ZNF106: variants seen among roughly 807,000 people sequenced by gnomAD.
ZNF106 encodes the protein zinc finger protein 106, also known as SH3-domain binding protein 3.
A neutral mutation model predicts 195.1 loss-of-function variants in ZNF106; 67 were observed. That is an observed-to-expected ratio of 0.34 (90% CI 0.28 to 0.42). ZNF106 has a LOEUF of 0.42. ZNF106 is among the 10% of genes least tolerant of loss of function. ZNF106 has a pLI of 1.00. For synonymous variants in ZNF106, 784 were observed against 818.6 expected (o/e 0.96, Z 0.72); for missense variants, 2,118 against 2,304.5 (o/e 0.92, Z 1.66).
At chr15:42,482,203 T>C (rs1476793172) in intron 1 of ZNF106, among the ~76,000 whole-genome samples, 1 of 152,218 alleles carries the variant, frequency 6.6e-6, no homozygotes, top group African/African-American at 2.4e-5. Flanking sequence ...TTCCTTTATA[T>C]CATTTTTATT....
chr15:42,437,888 C>CA (rs1361067538), intron 12 of ZNF106, among the ~76,000 whole-genome samples: 2 of 134,898 alleles, frequency 1.5e-5, no homozygotes, highest in Non-Finnish European at 3.1e-5. Context: ...GCCTGGGCGA[C>CA]AACGACTCCG....
At chr15:42,469,971 G>A (rs952488249) in intron 2 of ZNF106, among the ~76,000 whole-genome samples, 4 of 152,076 alleles carry the variant, frequency 2.6e-5, no homozygotes, top group Admixed American at 6.6e-5. Flanking sequence ...TTCTATTTAG[G>A]CCTTGTATAT....
At chr15:42,445,720 A>G (rs1292309215) in intron 7 of ZNF106, among the ~76,000 whole-genome samples, 1 of 152,148 alleles carries the variant, frequency 6.6e-6, no homozygotes, top group Non-Finnish European at 1.5e-5. Flanking sequence ...CATATGCTCC[A>G]TCTGGTTGGC....
intron 3 of ZNF106, chr15:42,457,374 C>T: frequency 1.4e-6 from 2 of 1,410,578 alleles, no homozygotes; most frequent in Non-Finnish European, 9.2e-7. Flanking sequence ...AATCAAGAGG[C>T]AATAGACTTC....
intron 10 of ZNF106, among the ~76,000 whole-genome samples, chr15:42,441,505 G>A (rs1185912083): frequency 6.6e-6 from 1 of 152,086 alleles, no homozygotes; most frequent in Non-Finnish European, 1.5e-5. Flanking sequence ...GCACCACTGT[G>A]GTAATGCAAA....
chr15:42,487,824 C>G (rs1252193580), intron 1 of ZNF106, among the ~76,000 whole-genome samples: 1 of 152,134 alleles, frequency 6.6e-6, no homozygotes, highest in East Asian at 1.9e-4. Context: ...AACCACCATT[C>G]TACTTTCTGT....
Position 42,451,576 on chromosome 15 carries a change from T to C in ZNF106, c.696A>G (p.Gly232=). The part of the protein sequence containing the change: ...TGRNSSWLSE[G]TGGFSSWHMN... Reference sequence around the variant, plus strand: ...TATGCCAACTGGAAAAGCCACCTGTTCCTTCAGAAAGCCAACTGGAATTCC... The same window carrying C: ...TATGCCAACTGGAAAAGCCACCTGTCCCTTCAGAAAGCCAACTGGAATTCC... Residue 232 remains glycine (G), a synonymous_variant, in exon 5 of 22, where the codon GGA becomes GGG. Coordinates refer to ENST00000564754, the MANE Select transcript of ZNF106 (RefSeq NM_001366845.3). 1 of 1,614,210 alleles carries C rather than the reference T, an allele frequency of 6.2e-7. No homozygotes were observed. Among genetic ancestry groups the C allele is most frequent in the East Asian group, 2.2e-5 (1 of 44,878 alleles).
chr15:42,439,256 C>G lies in ZNF106; in HGVS notation c.4321G>C (p.Asp1441His). Residue 1441 changes from aspartate to histidine, a missense_variant, in exon 11 of 22, where the codon GAT (aspartate) becomes CAT (histidine). Coordinates refer to ENST00000564754, the MANE Select transcript of ZNF106 (RefSeq NM_001366845.3). Reference protein sequence around the residue: ...REQESVRDEPDSDSSLEVLEI... With the variant: ...REQESVRDEPHSDSSLEVLEI... ...AGGACTTCCAGAGACGAGTCACTAT[C>G]TGGCTCATCTCTGACACTCTCCTGC... The G allele has an allele frequency of 6.2e-7, 1 of 1,614,190 alleles. No individual in the cohort carries two copies. The highest frequency in any genetic ancestry group is 8.5e-7 in the Non-Finnish European group (1 of 1,180,042).
At chr15:42,472,939 G>A (rs2056708405) in intron 1 of ZNF106, among the ~76,000 whole-genome samples, 1 of 151,242 alleles carries the variant, frequency 6.6e-6, no homozygotes, top group African/African-American at 2.4e-5. Flanking sequence ...CCCAAGAGCG[G>A]AGGTTGCAGT....
At position 42,422,058 on chromosome 15, in the gene ZNF106, G is replaced by A. The variant is rs1009736962; in HGVS notation, c.5374-70C>T. On this transcript the variant is annotated intron_variant, in intron 18 of 21. Coordinates refer to ENST00000564754, the MANE Select transcript of ZNF106 (RefSeq NM_001366845.3). ...GCGTTTAATAAGTACAGTCCCTAAAGGCCTTTGGCAGGTTTAAAACCACAC... is the reference window on the plus strand; with the variant it reads ...GCGTTTAATAAGTACAGTCCCTAAAAGCCTTTGGCAGGTTTAAAACCACAC... 1.9e-4 allele frequency: 262 copies of A among 1,389,112 alleles called. 1 individual carries two copies. In the East Asian group the frequency reaches 5.4e-3, roughly 29 times the overall value. The allele number at this position is 1,389,112 out of a possible 1,614,324, so 86.0% of individuals were successfully genotyped here.
intron 2 of ZNF106, among the ~76,000 whole-genome samples, chr15:42,468,237 C>T (rs374900453): frequency 6.7e-4 from 102 of 151,682 alleles, no homozygotes; most frequent in African/African-American, 2.4e-3. Flanking sequence ...CCACTATGCC[C>T]AGCTAATTTT....
chr15:42,466,860 C>T (rs552693052), intron 2 of ZNF106, among the ~76,000 whole-genome samples: 2 of 152,206 alleles, frequency 1.3e-5, no homozygotes, highest in African/African-American at 2.4e-5. Flanking sequence ...CACGGCTGGG[C>T]GTGGTGGGTC....
At chr15:42,420,295 CA>C (rs1475670854) in intron 20 of ZNF106, among the ~76,000 whole-genome samples, 1 of 152,112 alleles carries the variant, frequency 6.6e-6, no homozygotes, top group Non-Finnish European at 1.5e-5. Flanking sequence ...TCCCTCTGTC[CA>C]ACATATCTAC....
rs745642889 is a variant in ZNF106 at position 42,442,124 on chromosome 15, C to G, written c.3712G>C (p.Val1238Leu). The change falls in exon 10 of 22, where the codon GTG becomes CTG. Residue 1238 changes from valine to leucine, a missense_variant. Transcript: ENST00000564754. ...SPEQDENVNA[V>L]PPSSACNVSK... ...ACATTGCAGGCAGAGCTTGGTGGCA[C>G]AGCATTCACATTCTCATCTTGTTCA... 1.2e-5 allele frequency: 19 copies of G among 1,613,918 alleles called. No homozygotes were observed. The highest frequency in any genetic ancestry group is 1.7e-5 in the Admixed American group (1 of 59,974).
Position 42,478,192 on chromosome 15 carries a change from C to T in ZNF106, c.-32-5871G>A, listed in dbSNP as rs139720983. Among the ~76,000 whole-genome samples the T allele has an allele frequency of 7.0e-3, 1,070 of 152,186 alleles. 17 individuals are homozygous for T. The highest frequency in any genetic ancestry group is 0.025 in the African/African-American group (1,030 of 41,548). On this transcript the variant is annotated intron_variant, in intron 1 of 21. Coordinates refer to ENST00000564754, the MANE Select transcript of ZNF106 (RefSeq NM_001366845.3). Reference sequence around the variant, plus strand: ...TTTATTTTATTTTTTGAGACAGAGTCTCACTCTGTTGTCCAGGCTGGAATG... The same window carrying T: ...TTTATTTTATTTTTTGAGACAGAGTTTCACTCTGTTGTCCAGGCTGGAATG...
intron 4 of ZNF106, among the ~76,000 whole-genome samples, chr15:42,455,867 TTCTC>T (rs199750851): frequency 2.0e-5 from 3 of 152,288 alleles, no homozygotes; most frequent in South Asian, 4.1e-4. Flanking sequence ...TCATAAGTGC[TTCTC>T]TCTCTCTTTC....
chr15:42,481,561 T>C (rs896535345), intron 1 of ZNF106, among the ~76,000 whole-genome samples: 1 of 152,020 alleles, frequency 6.6e-6, no homozygotes, highest in Non-Finnish European at 1.5e-5. Context: ...GGTTTCACCA[T>C]GTTGGCCAGG....
intron 5 of ZNF106, 71 bp downstream of exon 5, chr15:42,449,700 T>C: frequency 6.6e-7 from 1 of 1,518,674 alleles, no homozygotes; most frequent in Non-Finnish European, 8.8e-7. Context: ...CGTAGAATTC[T>C]CTTGATCAGG....
Position 42,448,260 on chromosome 15 carries a change from T to C in ZNF106, c.2947A>G (p.Arg983Gly), listed in dbSNP as rs1361096367. The C allele has an allele frequency of 6.2e-7, 1 of 1,614,236 alleles. No individual in the cohort carries two copies. The highest frequency in any genetic ancestry group is 8.5e-7 in the Non-Finnish European group (1 of 1,180,040). Reference sequence around the variant, plus strand: ...TGATTCTCTGACGGTGGTATAGACCTCTCCTGGCTGTTCAAGTCTTTTGCC... The same window carrying C: ...TGATTCTCTGACGGTGGTATAGACCCCTCCTGGCTGTTCAAGTCTTTTGCC... ...HLAKDLNSQE[R>G]SIPPSENQNS... is the part of the protein sequence containing the mutation. Residue 983 changes from arginine to glycine, a missense_variant, in exon 6 of 22, where the codon AGG (arginine) becomes GGG (glycine). Physicochemically the swap from Arg to Gly is moderately radical, Grantham distance 125. Transcript: ENST00000564754.
Sources: gnomAD v4.1 joint callset for allele counts (sites outside exome capture counted in the v4.1 genomes callset) on GRCh38, gnomAD v4.1.1 for gene constraint, MANE v1.5 for transcripts, NCBI Gene and HGNC (gene_info 2026-07-23, HGNC 2026-07-21) for gene names.